GRHL3: variants seen among roughly 807,000 people sequenced by gnomAD.
GRHL3 encodes grainyhead like transcription factor 3, also known as grainyhead-like protein 3 homolog.
Under a neutral mutation model 70.3 loss-of-function variants are expected in GRHL3, and 20 were observed. The observed-to-expected ratio is 0.28, with a 90% CI of 0.20 to 0.41. The LOEUF (loss-of-function observed/expected upper bound fraction) is 0.41, where lower values mean the gene tolerates loss of function less well. GRHL3 is among the 10% of genes least tolerant of loss of function. The pLI is 1.00. For synonymous variants in GRHL3, 299 were observed against 299.9 expected (o/e 1.00, Z 0.03); for missense variants, 637 against 762.3 (o/e 0.84, Z 1.94).
chr1:24,361,142 G>A, intron 15 of GRHL3: 1 of 1,125,186 alleles, frequency 8.9e-7, no homozygotes, highest in Non-Finnish European at 1.2e-6. Flanking sequence ...AAGCTGTCTG[G>A]AAGAGGACTG....
At chr1:24,319,967 G>A (rs1226246133) in intron 1 of GRHL3, 1 of 279,990 alleles carries the variant, frequency 3.6e-6, no homozygotes, top group Non-Finnish European at 7.1e-6. Context: ...GTCTTAGGCA[G>A]AGAGTTGGGT....
intron 14 of GRHL3, among the ~76,000 whole-genome samples, chr1:24,348,400 C>G (rs1640376717): frequency 6.6e-6 from 1 of 152,192 alleles, no homozygotes; most frequent in Non-Finnish European, 1.5e-5. Context: ...AGCCGGGATG[C>G]CAGCCCAGGC....
chr1:24,364,335 C>G, exon 16 of GRHL3: 2 of 1,548,814 alleles, frequency 1.3e-6, no homozygotes, highest in South Asian at 2.4e-5. Context: ...GCCCCACCAC[C>G]GTCAACAGCC....
chr1:24,355,740 T>C (rs949056148), downstream of GRHL3, among the ~76,000 whole-genome samples: 1 of 152,152 alleles, frequency 6.6e-6, no homozygotes, highest in Admixed American at 6.6e-5. Flanking sequence ...ACAGAAGCAA[T>C]TGCAGGTATC....
Position 24,336,700 on chromosome 1 carries a change from G to C in GRHL3, c.485G>C (p.Ser162Thr), listed in dbSNP as rs1397299503. 18 of 1,614,064 alleles carry C rather than the reference G, an allele frequency of 1.1e-5. No individual in the cohort carries two copies. The highest frequency in any genetic ancestry group is 1.5e-5 in the Non-Finnish European group (18 of 1,180,024). ...AAGCTGGAGGCCGGCTCTGTGGACAGCTACCTGTTACCCACCACTGATATG... is the reference window on the plus strand; with the variant it reads ...AAGCTGGAGGCCGGCTCTGTGGACACCTACCTGTTACCCACCACTGATATG... The part of the protein sequence containing the change: ...PSKLEAGSVD[S>T]YLLPTTDMYD... The change falls in exon 4 of 16, where the codon AGC (serine) becomes ACC (threonine). Residue 162 changes from serine (S) to threonine (T), a missense_variant. Coordinates refer to ENST00000361548, the MANE Select transcript of GRHL3 (RefSeq NM_198173.3).
chr1:24,324,901 A>G (rs1639335512), intron 1 of GRHL3, among the ~76,000 whole-genome samples: 1 of 151,976 alleles, frequency 6.6e-6, no homozygotes, highest in Admixed American at 6.6e-5. Context: ...GAGGCCCCCA[A>G]ATGAGCCCCC....
At chr1:24,337,044 G>A in intron 4 of GRHL3, 34 bp from the exon 5 acceptor site, 1 of 1,597,756 alleles carries the variant, frequency 6.3e-7, no homozygotes, top group Non-Finnish European at 8.6e-7. Context: ...GTGAATGTGA[G>A]CATTTATTCT....
chr1:24,350,911 TG>T (rs2148666554), intron 15 of GRHL3, among the ~76,000 whole-genome samples: 1 of 152,290 alleles, frequency 6.6e-6, no homozygotes, highest in African/African-American at 2.4e-5. Context: ...TAGGGTCACA[TG>T]GTAACTGTCC....
At chr1:24,364,403 A>G (rs1311730064) in exon 16 of GRHL3, 1 of 1,507,758 alleles carries the variant, frequency 6.6e-7, no homozygotes. Context: ...TGGAAGGACG[A>G]CGGCAGGTCA....
chr1:24,352,980 C>T (rs58054176), intron 15 of GRHL3, among the ~76,000 whole-genome samples: 11,728 of 152,202 alleles, frequency 0.077, 931 homozygotes, highest in African/African-American at 0.2. Context: ...GGGGGGTCCT[C>T]GTGCCTGCCG....
Position 24,331,570 on chromosome 1 carries a change from T to C in GRHL3, c.162T>C (p.Asp54=), listed in dbSNP as rs780971661. The C allele has an allele frequency of 6.2e-7, 1 of 1,614,080 alleles. No homozygotes were observed. The highest frequency in any genetic ancestry group is 1.1e-5 in the South Asian group (1 of 91,054). The change falls in exon 2 of 16, where the codon GAT becomes GAC. Residue 54 remains aspartate (D), a synonymous_variant. Transcript: ENST00000361548. Reference sequence around the variant, plus strand: ...CCATGATGAGAGTCAATGGAGATGATGACAGTGTTGCGGCCTTGAGCTTCC... The same window carrying C: ...CCATGATGAGAGTCAATGGAGATGACGACAGTGTTGCGGCCTTGAGCTTCC... ...TKAMMRVNGD[D]DSVAALSFLY... is the part of the protein sequence containing the mutation.
At chr1:24,330,180 A>G (rs1044271340) in intron 1 of GRHL3, among the ~76,000 whole-genome samples, 21 of 152,224 alleles carry the variant, frequency 1.4e-4, no homozygotes, top group African/African-American at 4.6e-4. Context: ...GATAATTGCC[A>G]TATTTATCAC....
rs751816869 is a variant in GRHL3 at position 24,342,785 on chromosome 1, C to A, written c.1285+13C>A. 7.4e-6 allele frequency: 12 copies of A among 1,614,044 alleles called. 1 individual carries two copies. In the South Asian group the frequency reaches 7.7e-5, roughly 10 times the overall value. On this transcript the variant is annotated intron_variant, in intron 10 of 15. Transcript: ENST00000361548. The surrounding 1 kb of genome is among the most constrained non-coding windows in gnomAD (Gnocchi z 4.8). ...TCCAGCAACAGTGGTCAGTGGGGAT[C>A]CAGGGCCTGGGTGGGCTCGGCTGGC...
At chr1:24,359,348 T>TAGAGCAGGGTC (rs1553119389), downstream of GRHL3, among the ~76,000 whole-genome samples, 1 of 152,224 alleles carries the variant, frequency 6.6e-6, no homozygotes, top group Non-Finnish European at 1.5e-5. This position sits in a 1 kb window ranked among gnomAD's most constrained non-coding sequence, Gnocchi z 5.3. Context: ...GAGGATGTGG[T>TAGAGCAGGGTC]AGAGCAGGGT....
intron 5 of GRHL3, 22 bp downstream of exon 5, chr1:24,337,173 C>T (rs988484277): frequency 1.3e-6 from 2 of 1,577,578 alleles, no homozygotes; most frequent in South Asian, 2.2e-5. Flanking sequence ...TCCCTGGACC[C>T]TCAGACACCT....
rs991457647 is a variant in GRHL3 at position 24,320,545 on chromosome 1, C to T, written c.17+977C>T. Among the ~76,000 whole-genome samples the T allele has an allele frequency of 3.9e-5, 6 of 152,162 alleles. No individual in the cohort carries two copies. In the South Asian group the frequency reaches 1.2e-3, roughly 32 times the overall value. On this transcript the variant is annotated intron_variant, in intron 1 of 15. Transcript: ENST00000361548. ...AACACAGGCTCTCCTTTTCCTGCCA[C>T]CCTCAGAGGTGAGTGGGCAGAGGCA... is the stretch of plus-strand genomic sequence containing the variant.
rs1407303149 is a variant in GRHL3, at chr1:24,354,969, A to G, written c.*481A>G. On this transcript the variant is annotated 3_prime_UTR_variant, in exon 16 of 16. Coordinates refer to ENST00000361548, the MANE Select transcript of GRHL3 (RefSeq NM_198173.3). Reference sequence around the variant, plus strand: ...TTGAAAACTCTTGATTTTCAGTGCAAATGACTTTTAAAAGACACTATATTG... The same window carrying G: ...TTGAAAACTCTTGATTTTCAGTGCAGATGACTTTTAAAAGACACTATATTG... The G allele has an allele frequency of 6.4e-6, 1 of 156,410 alleles. No individual in the cohort carries two copies. The highest frequency in any genetic ancestry group is 1.4e-5 in the Non-Finnish European group (1 of 70,478). 9.7% of individuals were successfully genotyped at this position (156,410 alleles called of 1,614,324 possible). A position where few individuals can be genotyped will look rare whatever the true frequency, so the allele number is the denominator to read the frequency against.
At chr1:24,339,462 G>A (rs1450701662) in intron 7 of GRHL3, among the ~76,000 whole-genome samples, 1 of 152,060 alleles carries the variant, frequency 6.6e-6, no homozygotes, top group Non-Finnish European at 1.5e-5. Context: ...TGTATTTTTA[G>A]TAGAAACAGG....
chr1:24,354,620 G>A lies in GRHL3; in HGVS notation c.*132G>A. 1 of 634,556 alleles carries A rather than the reference G, an allele frequency of 1.6e-6. No homozygotes were observed. Among genetic ancestry groups the A allele is most frequent in the Non-Finnish European group, 2.8e-6 (1 of 354,306 alleles). The allele number at this position is 634,556 out of a possible 1,614,324, so 39.3% of individuals were successfully genotyped here. A position where few individuals can be genotyped will look rare whatever the true frequency, so the allele number is the denominator to read the frequency against. ...CTTCCCTGAGGGAAGAGGCCCTTGA[G>A]TCACAGACCCACAGACGTCAGGGCC... On this transcript the variant is annotated 3_prime_UTR_variant, in exon 16 of 16. Transcript: ENST00000361548.
Sources: gnomAD v4.1 joint callset for allele counts (sites outside exome capture counted in the v4.1 genomes callset) on GRCh38, gnomAD v4.1.1 for gene constraint, Gnocchi (gnomAD v3.1) non-coding constraint, MANE v1.5 for transcripts, NCBI Gene and HGNC (gene_info 2026-07-23, HGNC 2026-07-21) for gene names.